Variants in DNER observed in about 807,000 individuals in gnomAD.
DNER encodes the protein delta/notch like EGF repeat containing.
DNER carries 33 observed loss-of-function variants against 78.2 expected under a neutral mutation model. The observed-to-expected ratio is 0.42, with a 90% CI of 0.32 to 0.56. The LOEUF (loss-of-function observed/expected upper bound fraction) is 0.56, where lower values mean the gene tolerates loss of function less well. DNER is among the 20% of genes least tolerant of loss of function. The pLI is 0.11. For synonymous variants in DNER, 417 were observed against 384.8 expected, an observed-to-expected ratio of 1.08 and a Z score of -0.98; for missense variants, 918 against 975.3, an observed-to-expected ratio of 0.94 and a Z score of 0.78.
At chr2:229,703,443 G>A (rs1475463860) in intron 1 of DNER, among the ~76,000 whole-genome samples, 3 of 152,140 alleles carry the variant, frequency 2.0e-5, no homozygotes, top group Non-Finnish European at 4.4e-5. Context: ...AATGATACAT[G>A]AGAAAACAAG....
chr2:229,669,556 T>C (rs1699172433), intron 1 of DNER, among the ~76,000 whole-genome samples: 1 of 152,198 alleles, frequency 6.6e-6, no homozygotes, highest in African/African-American at 2.4e-5. Flanking sequence ...CATGGAATGT[T>C]TTCCCATTTG....
chr2:229,534,076 C>T (rs1696358383), intron 5 of DNER, among the ~76,000 whole-genome samples: 1 of 152,140 alleles, frequency 6.6e-6, no homozygotes, highest in Non-Finnish European at 1.5e-5. Context: ...ACAAGACAGA[C>T]ATTATAGATC....
chr2:229,685,319 A>G (rs1699465434), intron 1 of DNER, among the ~76,000 whole-genome samples: 1 of 149,192 alleles, frequency 6.7e-6, no homozygotes, highest in Admixed American at 6.7e-5. Context: ...TTTTATTTCT[A>G]TCATACTCTG....
intron 1 of DNER, among the ~76,000 whole-genome samples, chr2:229,595,143 A>T (rs75484200): frequency 0.039 from 5,958 of 152,194 alleles, 155 homozygotes; most frequent in Middle Eastern, 0.1. Context: ...GGTGTTTTAC[A>T]TTTCTTATTT....
chr2:229,454,158 G>A (rs1453525199), intron 7 of DNER, among the ~76,000 whole-genome samples: 1 of 152,104 alleles, frequency 6.6e-6, no homozygotes, highest in African/African-American at 2.4e-5. Flanking sequence ...AGCTAAGCTT[G>A]CCCAAATTGC....
At position 229,527,060 on chromosome 2, in the gene DNER, T is replaced by C. The variant is rs1696224206; in HGVS notation, c.994-14124A>G. On this transcript the variant is annotated intron_variant, in intron 5 of 12. Transcript: ENST00000341772. ...AGGCTAATTTTAAAAAAGAAAAAGATCCTATGAGTTGGCCTAAGCGCCTGT... is the reference window on the plus strand; with the variant it reads ...AGGCTAATTTTAAAAAAGAAAAAGACCCTATGAGTTGGCCTAAGCGCCTGT... Among the ~76,000 whole-genome samples the C allele has an allele frequency of 2.0e-5, 3 of 152,142 alleles. No homozygotes were observed. In the South Asian group the frequency reaches 6.2e-4, roughly 31 times the overall value.
rs376381369 is a variant in DNER at position 229,400,516 on chromosome 2, C to T, written c.1723+6716G>A. ...GCTGAAGCATCTTGCAGTGCCAGAACGTATATATGTTTTAAAAAACAAAAC... is the reference window on the plus strand; with the variant it reads ...GCTGAAGCATCTTGCAGTGCCAGAATGTATATATGTTTTAAAAAACAAAAC... On this transcript the variant is annotated intron_variant, in intron 10 of 12. Coordinates refer to ENST00000341772, the MANE Select transcript of DNER (RefSeq NM_139072.4). 3.0e-4 allele frequency among the ~76,000 whole-genome samples: 45 copies of T among 151,938 alleles called. 1 individual carries two copies. Among genetic ancestry groups the T allele is most frequent in the Middle Eastern group, 3.4e-3 (1 of 294 alleles).
intron 8 of DNER, among the ~76,000 whole-genome samples, chr2:229,438,485 C>G (rs970218655): frequency 6.6e-6 from 1 of 152,150 alleles, no homozygotes; most frequent in African/African-American, 2.4e-5. Context: ...GCCTCCATTA[C>G]CTTATCCTTA....
At chr2:229,453,622 T>G (rs1694505172) in intron 7 of DNER, among the ~76,000 whole-genome samples, 1 of 152,112 alleles carries the variant, frequency 6.6e-6, no homozygotes, top group African/African-American at 2.4e-5. Context: ...CAAGAGCATG[T>G]CTCATTGAGA....
intron 7 of DNER, among the ~76,000 whole-genome samples, chr2:229,467,952 C>T (rs902117744): frequency 2.6e-5 from 4 of 152,214 alleles, no homozygotes; most frequent in African/African-American, 7.2e-5. Context: ...AGATCAGTTT[C>T]GCATTTGGGG....
At chr2:229,518,139 C>T (rs768259070) in intron 5 of DNER, among the ~76,000 whole-genome samples, 24 of 152,204 alleles carry the variant, frequency 1.6e-4, no homozygotes, top group Non-Finnish European at 2.9e-4. Flanking sequence ...CTTCCATTTT[C>T]ACATGATGAT....
chr2:229,520,672 C>T (rs552730641), intron 5 of DNER, among the ~76,000 whole-genome samples: 1 of 152,210 alleles, frequency 6.6e-6, no homozygotes, highest in African/African-American at 2.4e-5. Flanking sequence ...AGCTAAAACT[C>T]GGAAACACTG....
intron 4 of DNER, among the ~76,000 whole-genome samples, chr2:229,565,705 C>T (rs559286579): frequency 6.6e-6 from 1 of 152,124 alleles, no homozygotes; most frequent in Non-Finnish European, 1.5e-5. Context: ...TTTCTTATTG[C>T]CTGTAAGAAC....
chr2:229,709,453 A>G lies in DNER; in HGVS notation c.276+4695T>C, dbSNP rs112734344. Among the ~76,000 whole-genome samples, 635 of 152,250 alleles carry G rather than the reference A, an allele frequency of 4.2e-3. 5 individuals are homozygous for G. Among genetic ancestry groups the G allele is most frequent in the African/African-American group, 0.015 (615 of 41,544 alleles). On this transcript the variant is annotated intron_variant, in intron 1 of 12. Transcript: ENST00000341772. ...TCAGCTACTATTCAACATTTTGTAC[A>G]TACTACAATGTGAGTTTGTGTGTGT...
intron 1 of DNER, among the ~76,000 whole-genome samples, chr2:229,669,813 C>CTTCT (rs1158153437): frequency 1.3e-5 from 2 of 152,052 alleles, no homozygotes; most frequent in African/African-American, 4.8e-5. Context: ...GTAGCTGAGA[C>CTTCT]ATAGAAAGAA....
chr2:229,485,597 C>A (rs1192571779), intron 6 of DNER, among the ~76,000 whole-genome samples: 1 of 152,092 alleles, frequency 6.6e-6, no homozygotes, highest in East Asian at 1.9e-4. Context: ...CCCCACCAAC[C>A]CATATATCAT....
intron 1 of DNER, among the ~76,000 whole-genome samples, chr2:229,635,904 A>T (rs952657871): frequency 5.3e-5 from 8 of 151,596 alleles, no homozygotes; most frequent in Non-Finnish European, 1.0e-4. Context: ...CCTCAAAAAA[A>T]CTCTGAGGGT....
intron 8 of DNER, among the ~76,000 whole-genome samples, chr2:229,426,850 C>G (rs909291072): frequency 6.6e-6 from 1 of 152,216 alleles, no homozygotes; most frequent in African/African-American, 2.4e-5. Flanking sequence ...TTCTGTCACA[C>G]ACACACACAC....
intron 1 of DNER, among the ~76,000 whole-genome samples, chr2:229,646,129 A>G (rs1268955315): frequency 5.3e-5 from 8 of 152,134 alleles, no homozygotes; most frequent in Admixed American, 1.3e-4. Flanking sequence ...CATGCCTTCT[A>G]TGAAAGCTGC....
Sources: gnomAD v4.1 joint callset for allele counts (sites outside exome capture counted in the v4.1 genomes callset) on GRCh38, gnomAD v4.1.1 for gene constraint, MANE v1.5 for transcripts, NCBI Gene and HGNC (gene_info 2026-07-23, HGNC 2026-07-21) for gene names.